NMNAT2: variants seen among roughly 807,000 people sequenced by gnomAD.
NMNAT2 encodes the protein nicotinamide/nicotinic acid mononucleotide adenylyltransferase 2.
Under a neutral mutation model 41.6 loss-of-function variants are expected in NMNAT2, and 11 were observed. The observed-to-expected ratio is 0.26, with a 90% CI of 0.17 to 0.44. The LOEUF is 0.44. Among genes scored for constraint, NMNAT2 ranks in the 20% least tolerant of loss-of-function variants. The pLI is 1.00. For synonymous variants in NMNAT2, 148 were observed against 151.2 expected, an observed-to-expected ratio of 0.98 and a Z score of 0.16; for missense variants, 288 against 407.7, an observed-to-expected ratio of 0.71 and a Z score of 2.53.
chr1:183,281,441 C>T (rs1349382135), intron 7 of NMNAT2, among the ~76,000 whole-genome samples: 5 of 152,190 alleles, frequency 3.3e-5, no homozygotes, highest in Non-Finnish European at 2.9e-5. Context: ...GTTAAAAATC[C>T]CTGCTTACAG....
intron 10 of NMNAT2, 67 bp from the exon 11 acceptor site, chr1:183,252,810 C>G: frequency 1.8e-6 from 2 of 1,110,740 alleles, no homozygotes; most frequent in Non-Finnish European, 2.8e-6. Context: ...GACTGGCATG[C>G]CCCTGTCTCC....
At chr1:183,273,007 T>C (rs1053380851) in intron 8 of NMNAT2, among the ~76,000 whole-genome samples, 4 of 152,238 alleles carry the variant, frequency 2.6e-5, no homozygotes, top group Admixed American at 2.6e-4. Context: ...GCCTAAAGAT[T>C]TCTCTGTGTA....
At chr1:183,257,689 CTTAT>C (rs1660554440) in intron 10 of NMNAT2, among the ~76,000 whole-genome samples, 1 of 151,604 alleles carries the variant, frequency 6.6e-6, no homozygotes, top group Non-Finnish European at 1.5e-5. Flanking sequence ...TATGATCCAT[CTTAT>C]TTCTGAGACA....
Position 183,261,030 on chromosome 1 carries a change from TG to T in NMNAT2, c.792del (p.Met265CysfsTer82). 1 of 1,613,992 alleles carries T rather than the reference TG, an allele frequency of 6.2e-7. No individual in the cohort carries two copies. Among genetic ancestry groups the T allele is most frequent in the Non-Finnish European group, 8.5e-7 (1 of 1,179,920 alleles). On this transcript the variant is annotated frameshift_variant, in exon 10 of 11. Coordinates refer to ENST00000287713, the MANE Select transcript of NMNAT2 (RefSeq NM_015039.4). LOFTEE classifies it high-confidence loss of function. ...IMVVKDDINH[P>X]MSVVSSTKSR... ...CTCTTGGTTGAGCTGACAACAGACA[TG>T]GGATGGTTGATGTCATCCTTCACCA... is the stretch of plus-strand genomic sequence containing the variant.
intron 1 of NMNAT2, among the ~76,000 whole-genome samples, chr1:183,394,907 C>T (rs1197533848): frequency 6.6e-6 from 1 of 152,200 alleles, no homozygotes; most frequent in African/African-American, 2.4e-5. Flanking sequence ...TCTGGATGCT[C>T]ATTGACAATG....
At chr1:183,307,534 C>G (rs1292626953) in intron 1 of NMNAT2, among the ~76,000 whole-genome samples, 2 of 152,056 alleles carry the variant, frequency 1.3e-5, no homozygotes, top group Non-Finnish European at 2.9e-5. Flanking sequence ...CCTCTGTCTC[C>G]TGGGTTCAAG....
chr1:183,400,188 T>G (rs1321682354), intron 1 of NMNAT2, among the ~76,000 whole-genome samples: 1 of 152,212 alleles, frequency 6.6e-6, no homozygotes, highest in Non-Finnish European at 1.5e-5. Flanking sequence ...CAAAATCTCC[T>G]TAAGCTGATA....
rs1463683680 is a variant in NMNAT2 at position 183,389,840 on chromosome 1, GA to G, written c.85+28342del. Among the ~76,000 whole-genome samples the G allele has an allele frequency of 9.0e-4, 49 of 54,382 alleles. 5 individuals are homozygous for G. Among genetic ancestry groups the G allele is most frequent in the South Asian group, 1.6e-3 (2 of 1,234 alleles). 35.7% of individuals were successfully genotyped at this position (54,382 alleles called of 152,430 possible). ...AGAAAGAAAGAAAGAAAGAAAGAAAGAAAGGAAAAAAGAGAAAGAAAGAAAG... is the reference window on the plus strand; with the variant it reads ...AGAAAGAAAGAAAGAAAGAAAGAAAGAAGGAAAAAAGAGAAAGAAAGAAAG... On this transcript the variant is annotated intron_variant, in intron 1 of 10. Coordinates refer to ENST00000287713, the MANE Select transcript of NMNAT2 (RefSeq NM_015039.4).
chr1:183,408,866 C>G (rs890210298), intron 1 of NMNAT2, among the ~76,000 whole-genome samples: 4 of 151,904 alleles, frequency 2.6e-5, no homozygotes, highest in African/African-American at 7.3e-5. Context: ...TGACATGTCT[C>G]TTTTTTTAAA....
intron 1 of NMNAT2, among the ~76,000 whole-genome samples, chr1:183,371,027 T>C (rs1226483942): frequency 6.6e-6 from 1 of 151,988 alleles, no homozygotes; most frequent in Non-Finnish European, 1.5e-5. Context: ...AGCAAACAAA[T>C]GACCTGGACA....
At chr1:183,379,758 C>A (rs1663762294) in intron 1 of NMNAT2, among the ~76,000 whole-genome samples, 1 of 152,200 alleles carries the variant, frequency 6.6e-6, no homozygotes, top group Admixed American at 6.5e-5. Context: ...AGTCATCACA[C>A]TCCAGGATTT....
At chr1:183,342,199 A>G (rs1458089007) in intron 1 of NMNAT2, among the ~76,000 whole-genome samples, 1 of 152,094 alleles carries the variant, frequency 6.6e-6, no homozygotes, top group Non-Finnish European at 1.5e-5. Flanking sequence ...TCTCCTAAAG[A>G]GAACTACAGG....
intron 1 of NMNAT2, among the ~76,000 whole-genome samples, chr1:183,401,559 T>C (rs934154709): frequency 2.0e-5 from 3 of 152,228 alleles, no homozygotes; most frequent in Non-Finnish European, 4.4e-5. Context: ...GCCATCCCAT[T>C]ACTGGGTGTA....
intron 1 of NMNAT2, among the ~76,000 whole-genome samples, chr1:183,381,725 A>G (rs1173194969): frequency 6.6e-6 from 1 of 152,208 alleles, no homozygotes; most frequent in African/African-American, 2.4e-5. Flanking sequence ...TAAAAAATAA[A>G]TGAGTAAAAT....
Position 183,251,780 on chromosome 1 carries a change from A to T in NMNAT2, c.*861T>A, listed in dbSNP as rs1003489110. 1.3e-5 allele frequency: 2 copies of T among 154,798 alleles called. No homozygotes were observed. Among genetic ancestry groups the T allele is most frequent in the Non-Finnish European group, 2.9e-5 (2 of 69,076 alleles). 9.6% of individuals were successfully genotyped at this position (154,798 alleles called of 1,614,324 possible). ...GAAACTAAGAAAACAGATTCAAATT[A>T]TTCTGAGAAAACCGACTATTCACAG... On this transcript the variant is annotated 3_prime_UTR_variant, in exon 11 of 11. Transcript: ENST00000287713.
chr1:183,310,994 C>T (rs577330094), intron 1 of NMNAT2, among the ~76,000 whole-genome samples: 6 of 152,278 alleles, frequency 3.9e-5, no homozygotes, highest in Admixed American at 1.3e-4. Context: ...CAGCTACCCA[C>T]GCGGTCGTAA....
At chr1:183,391,135 T>C (rs1033406460) in intron 1 of NMNAT2, among the ~76,000 whole-genome samples, 5 of 152,180 alleles carry the variant, frequency 3.3e-5, no homozygotes, top group African/African-American at 1.2e-4. Context: ...CCACATCACT[T>C]AGGCTCTGTC....
At chr1:183,351,936 G>A (rs1258000712) in intron 1 of NMNAT2, among the ~76,000 whole-genome samples, 1 of 152,172 alleles carries the variant, frequency 6.6e-6, no homozygotes, top group African/African-American at 2.4e-5. Flanking sequence ...TAAATGACCT[G>A]AGCATCAAGA....
intron 1 of NMNAT2, among the ~76,000 whole-genome samples, chr1:183,327,163 G>A (rs1662484237): frequency 6.6e-6 from 1 of 152,048 alleles, no homozygotes; most frequent in South Asian, 2.1e-4. Flanking sequence ...CAATTCTCCT[G>A]CCTCAGCCTC....
Sources: allele counts gnomAD v4.1 joint callset (sites outside exome capture counted in the v4.1 genomes callset), GRCh38; gene constraint gnomAD v4.1.1; transcripts MANE v1.5; gene names NCBI Gene and HGNC (gene_info 2026-07-23, HGNC 2026-07-21).